The following CABP1 variants were observed in gnomAD, a reference collection of about 807,000 sequenced individuals.
CABP1 encodes calcium binding protein 1, also known as calcium-binding protein 1.
Under a neutral mutation model 34.3 loss-of-function variants are expected in CABP1, and 17 were observed. The observed-to-expected ratio is 0.50, with a 90% CI of 0.34 to 0.74. CABP1 has a LOEUF of 0.74. Among genes scored for constraint, CABP1 ranks in the 30% least tolerant of loss-of-function variants. CABP1 has a pLI of 0.01. For synonymous variants in CABP1, 198 were observed against 229.2 expected (o/e 0.86, Z 1.23); for missense variants, 373 against 511.1 (o/e 0.73, Z 2.61).
downstream of CABP1, among the ~76,000 whole-genome samples, chr12:120,668,198 T>G (rs1213236450): frequency 6.6e-6 from 1 of 151,892 alleles, no homozygotes; most frequent in Non-Finnish European, 1.5e-5. Flanking sequence ...CAGACAGATA[T>G]AGACACAGCT....
Position 120,660,465 on chromosome 12 carries a change from CT to C in CABP1, c.829+128del. On this transcript the variant is annotated intron_variant, in intron 3 of 5. Coordinates refer to ENST00000316803, the MANE Select transcript of CABP1 (RefSeq NM_001033677.2). This position sits in a 1 kb window ranked among gnomAD's most constrained non-coding sequence, Gnocchi z 5.0. ...CAGCTCTGTGATCTGGGGCCAACCA[CT>C]TACCCTCTCTGAGCCTCAGTTTCCT... 9.4e-7 allele frequency: 1 copy of C among 1,060,076 alleles called. No homozygotes were observed. The highest frequency in any genetic ancestry group is 1.4e-6 in the Non-Finnish European group (1 of 739,408). 65.7% of individuals were successfully genotyped at this position (1,060,076 alleles called of 1,614,324 possible).
In CABP1 at chr12:120,655,939, A is replaced by G. The variant is rs750215119; in HGVS notation, c.655-3939A>G. On this transcript the variant is annotated intron_variant, in intron 1 of 5. Transcript: ENST00000316803. The stretch of plus-strand genomic sequence containing the variant: ...ATTGGAGACTCTGTCTGTTGGACCA[A>G]TTTGATGCCTGTGCACGCTCAGGGC... 168 of 1,538,652 alleles carry G rather than the reference A, an allele frequency of 1.1e-4. 1 individual carries two copies. In the East Asian group the frequency reaches 3.3e-3, roughly 30 times the overall value.
intron 1 of CABP1, chr12:120,655,826 CGTGCGTGT>C (rs781641540): frequency 4.4e-3 from 5,752 of 1,298,856 alleles, no homozygotes; most frequent in Admixed American, 5.1e-3. Flanking sequence ...CCAGTGCGTG[CGTGCGTGT>C]GTGTGTGTGT....
chr12:120,666,790 TG>T, intron 5 of CABP1, 84 bp from the exon 6 acceptor site: 1 of 1,447,496 alleles, frequency 6.9e-7, no homozygotes. Context: ...GTTGGGGCAG[TG>T]GCAACAGGGT....
At chr12:120,669,560 C>G (rs1371506088), downstream of CABP1, among the ~76,000 whole-genome samples, 1 of 152,128 alleles carries the variant, frequency 6.6e-6, no homozygotes, top group Non-Finnish European at 1.5e-5. Context: ...AAGTGGCAAG[C>G]CTGGCCAACA....
In CABP1 at chr12:120,659,924, T is replaced by C. The variant is rs764251003; in HGVS notation, c.685+16T>C. 1.4e-5 allele frequency: 22 copies of C among 1,613,240 alleles called. No homozygotes were observed. Among genetic ancestry groups the C allele is most frequent in the Non-Finnish European group, 1.8e-5 (21 of 1,179,434 alleles). ...GAAATTGAAGGTAAAACTTGGCCCCTTGGGGGAAAGGACTGCCTAGCCCTC... is the reference window on the plus strand; with the variant it reads ...GAAATTGAAGGTAAAACTTGGCCCCCTGGGGGAAAGGACTGCCTAGCCCTC... On this transcript the variant is annotated intron_variant, in intron 2 of 5. Transcript: ENST00000316803.
intron 1 of CABP1, among the ~76,000 whole-genome samples, chr12:120,653,396 A>G (rs1007853074): frequency 6.6e-6 from 1 of 152,218 alleles, no homozygotes; most frequent in African/African-American, 2.4e-5. Flanking sequence ...AGGAAGCTGG[A>G]GCACAGAGAG....
chr12:120,672,713 A>G, the CABP1 span, among the ~76,000 whole-genome samples: 1 of 31,600 alleles, frequency 3.2e-5, no homozygotes, highest in Non-Finnish European at 4.7e-5. Context: ...ACTTGGGTGA[A>G]AAAAAAAAAA....
At chr12:120,664,939 G>A (rs1880874167) in intron 5 of CABP1, among the ~76,000 whole-genome samples, 1 of 151,066 alleles carries the variant, frequency 6.6e-6, no homozygotes, top group African/African-American at 2.4e-5. Context: ...ACATGGTGAA[G>A]AGGGGACACA....
At chr12:120,680,540 G>A in the CABP1 span, among the ~76,000 whole-genome samples, 2 of 152,196 alleles carry the variant, frequency 1.3e-5, no homozygotes, top group Non-Finnish European at 2.9e-5. Flanking sequence ...CTCAGATGGG[G>A]ATGACCTTCC....
intron 5 of CABP1, among the ~76,000 whole-genome samples, chr12:120,664,306 C>T (rs1218762407): frequency 6.6e-6 from 1 of 152,062 alleles, no homozygotes; most frequent in East Asian, 1.9e-4. Context: ...GCGCCTGTGC[C>T]AAGTTGCAGG....
chr12:120,667,634 G>T (rs146932365), downstream of CABP1, among the ~76,000 whole-genome samples: 1,315 of 152,090 alleles, frequency 8.6e-3, 24 homozygotes, highest in African/African-American at 0.03. Context: ...GATTACAGGC[G>T]CCCGCCACCA....
the CABP1 span, among the ~76,000 whole-genome samples, chr12:120,675,129 T>G: frequency 1.3e-5 from 2 of 150,662 alleles, no homozygotes; most frequent in South Asian, 4.2e-4. Flanking sequence ...CTCGGCTCAC[T>G]GCAGCCTCTG....
At chr12:120,655,822 C>CGT (rs758048487) in intron 1 of CABP1, 22 of 1,241,064 alleles carry the variant, frequency 1.8e-5, no homozygotes, top group Middle Eastern at 4.6e-4. Context: ...TGTGCCAGTG[C>CGT]GTGCGTGCGT....
At chr12:120,650,560 T>C (rs768671610) in intron 1 of CABP1, 4 of 1,610,602 alleles carry the variant, frequency 2.5e-6, no homozygotes, top group Non-Finnish European at 3.4e-6. Context: ...TGGCAGAGAC[T>C]GGGACGGAAG....
Position 120,641,370 on chromosome 12 carries a change from G to A in CABP1, c.654+31G>A, listed in dbSNP as rs1879312803. On this transcript the variant is annotated intron_variant, in intron 1 of 5. Coordinates refer to ENST00000316803, the MANE Select transcript of CABP1 (RefSeq NM_001033677.2). The surrounding 1 kb of genome is among the most constrained non-coding windows in gnomAD (Gnocchi z 6.7). The stretch of plus-strand genomic sequence containing the variant: ...GGCCGCGCCTCCCGTCAGCGCTCCC[G>A]GGAAAGGCGCTCGGGACCCTGCCGG... 8.0e-7 allele frequency: 1 copy of A among 1,255,916 alleles called. No individual in the cohort carries two copies. The highest frequency in any genetic ancestry group is 3.1e-5 in the East Asian group (1 of 31,830). The allele number at this position is 1,255,916 out of a possible 1,614,324, so 77.8% of individuals were successfully genotyped here.
In CABP1 at chr12:120,650,593, C is replaced by T; in HGVS notation, c.654+9254C>T. The T allele has an allele frequency of 3.7e-6, 6 of 1,613,522 alleles. No homozygotes were observed. In the African/African-American group the frequency reaches 4.0e-5, roughly 11 times the overall value. On this transcript the variant is annotated intron_variant, in intron 1 of 5. Coordinates refer to ENST00000316803, the MANE Select transcript of CABP1 (RefSeq NM_001033677.2). ...AAGTCCCTCAGTCCCCCAGGAGCCT[C>T]CTTCATGGACCCGGGGATCCCAAGA...
intron 5 of CABP1, among the ~76,000 whole-genome samples, chr12:120,665,091 A>C (rs2137374336): frequency 6.6e-6 from 1 of 152,126 alleles, no homozygotes; most frequent in Middle Eastern, 3.4e-3. Context: ...GGGAGGGATG[A>C]ATAGGCAGAG....
Position 120,660,693 on chromosome 12 carries a change from T to C in CABP1, c.830-38T>C, listed in dbSNP as rs368690652. 4.6e-5 allele frequency: 63 copies of C among 1,362,004 alleles called. No homozygotes were observed. The highest frequency in any genetic ancestry group is 6.5e-5 in the Non-Finnish European group (62 of 950,344). 84.4% of individuals were successfully genotyped at this position (1,362,004 alleles called of 1,614,324 possible). A position where few individuals can be genotyped will look rare whatever the true frequency, so the allele number is the denominator to read the frequency against. The stretch of plus-strand genomic sequence containing the variant: ...TGTCTAGTTGGAGACAGGGAATGGG[T>C]ATGTCGGGGATGACCTAGCCCTTTC... On this transcript the variant is annotated intron_variant, in intron 3 of 5. Coordinates refer to ENST00000316803, the MANE Select transcript of CABP1 (RefSeq NM_001033677.2). The surrounding 1 kb of genome is among the most constrained non-coding windows in gnomAD (Gnocchi z 5.0).
Sources: allele counts gnomAD v4.1 joint callset (sites outside exome capture counted in the v4.1 genomes callset), GRCh38; gene constraint gnomAD v4.1.1; non-coding constraint Gnocchi (gnomAD v3.1); transcripts MANE v1.5; gene names NCBI Gene and HGNC (gene_info 2026-07-23, HGNC 2026-07-21).